The following WDR41 variants were observed in gnomAD, a reference collection of about 807,000 sequenced individuals.
WDR41 encodes the protein WD repeat domain 41, also known as WD repeat-containing protein 41.
WDR41 carries 63 observed loss-of-function variants against 69.3 expected under a neutral mutation model. That is an observed-to-expected ratio of 0.91 (90% CI 0.74 to 1.12). The LOEUF (loss-of-function observed/expected upper bound fraction) is 1.12. Among genes scored for constraint, WDR41 ranks in the 50% most tolerant of loss-of-function variants. WDR41 has a pLI of 0.00. For missense variants in WDR41, 543 were observed against 534.5 expected (o/e 1.02, Z -0.16); for synonymous variants, 185 against 192.1 (o/e 0.96, Z 0.31).
At chr5:77,443,989 T>C (rs1215706407) in intron 8 of WDR41, among the ~76,000 whole-genome samples, 1 of 150,558 alleles carries the variant, frequency 6.6e-6, no homozygotes. Flanking sequence ...TTCAAGCAAT[T>C]CCTGTCTCAG....
At chr5:77,481,810 A>ATT in intron 2 of WDR41, among the ~76,000 whole-genome samples, 1 of 142,292 alleles carries the variant, frequency 7.0e-6, no homozygotes, top group African/African-American at 2.6e-5. Context: ...AAAAAAAAAG[A>ATT]GCCATATCTG....
chr5:77,445,690 T>C (rs773860832), intron 8 of WDR41, among the ~76,000 whole-genome samples: 4 of 152,184 alleles, frequency 2.6e-5, no homozygotes. Context: ...ATTATCTTAA[T>C]AGATGCAGAA....
intron 1 of WDR41, among the ~76,000 whole-genome samples, chr5:77,609,036 G>C (rs559837095): frequency 6.6e-6 from 1 of 152,134 alleles, no homozygotes; most frequent in Non-Finnish European, 1.5e-5. Flanking sequence ...CTATGCCCAC[G>C]GAGTCTCGCT....
chr5:77,595,135 T>C (rs1287063183), intron 1 of WDR41, among the ~76,000 whole-genome samples: 3 of 144,360 alleles, frequency 2.1e-5, no homozygotes, highest in Middle Eastern at 3.4e-3. Flanking sequence ...ACAAAATCGA[T>C]TTGAAATTTA....
chr5:77,567,663 T>TAAA (rs60723638), intron 1 of WDR41, among the ~76,000 whole-genome samples: 8,567 of 106,056 alleles, frequency 0.081, 578 homozygotes, highest in East Asian at 0.24. Flanking sequence ...AACCAAATAG[T>TAAA]AAAAAAAAAA....
At chr5:77,492,130 C>T in intron 1 of WDR41, 40 bp downstream of exon 1, 2 of 1,601,024 alleles carry the variant, frequency 1.2e-6, no homozygotes, top group Non-Finnish European at 1.7e-6. Context: ...GCCCCTCCAG[C>T]AAGCTCGACG....
chr5:77,555,778 T>C (rs1743378758), intron 1 of WDR41, among the ~76,000 whole-genome samples: 1 of 152,192 alleles, frequency 6.6e-6, no homozygotes, highest in Admixed American at 6.5e-5. Flanking sequence ...TCCTCATGGA[T>C]TGGAAGACAA....
intron 1 of WDR41, among the ~76,000 whole-genome samples, chr5:77,566,398 T>C (rs1023309669): frequency 6.6e-6 from 1 of 152,146 alleles, no homozygotes; most frequent in Admixed American, 6.6e-5. Flanking sequence ...CATAACCTTT[T>C]AGATAACTCT....
intron 1 of WDR41, among the ~76,000 whole-genome samples, chr5:77,565,359 C>T (rs1450096267): frequency 6.6e-6 from 1 of 152,114 alleles, no homozygotes; most frequent in Non-Finnish European, 1.5e-5. Flanking sequence ...TCCTAAAAGT[C>T]TCCATAACCT....
chr5:77,441,081 C>T (rs759042598), intron 8 of WDR41, 84 bp from the exon 9 acceptor site: 127 of 1,422,684 alleles, frequency 8.9e-5, no homozygotes, highest in Non-Finnish European at 1.2e-4. Flanking sequence ...GTAGTAATGC[C>T]GTATAAAACC....
At position 77,543,071 on chromosome 5, in the gene WDR41, G is replaced by A. The variant is rs185586985; in HGVS notation, c.43-53499C>T. ...AGAGAGATAACAATCACTACATCTC[G>A]GCTCTCAAGAAGCCACATCCTTAGG... is the stretch of plus-strand genomic sequence containing the variant. On this transcript the variant is annotated intron_variant, in intron 1 of 5. Coordinates refer to the WDR41 transcript ENST00000509971. Among the ~76,000 whole-genome samples the A allele has an allele frequency of 2.4e-4, 37 of 152,184 alleles. No homozygotes were observed. In the East Asian group the frequency reaches 4.5e-3, roughly 18 times the overall value.
At chr5:77,594,182 G>A (rs1431138207) in intron 1 of WDR41, among the ~76,000 whole-genome samples, 5 of 146,178 alleles carry the variant, frequency 3.4e-5, no homozygotes, top group South Asian at 2.2e-4. Flanking sequence ...ACCAAACACC[G>A]CATGTTCTCA....
intron 8 of WDR41, among the ~76,000 whole-genome samples, chr5:77,444,251 T>C (rs771919748): frequency 5.1e-4 from 77 of 152,196 alleles, no homozygotes; most frequent in Non-Finnish European, 1.0e-3. Context: ...AAATGTTTCA[T>C]GACAAACAAC....
intron 1 of WDR41, among the ~76,000 whole-genome samples, chr5:77,607,865 T>C (rs545219955): frequency 6.6e-6 from 1 of 152,382 alleles, no homozygotes; most frequent in South Asian, 2.1e-4. Context: ...ATTTATATTC[T>C]CTAATTCTAC....
At position 77,578,938 on chromosome 5, in the gene WDR41, A is replaced by C; in HGVS notation, c.42+41541T>G. Among the ~76,000 whole-genome samples the C allele has an allele frequency of 2.6e-5, 4 of 151,944 alleles. No homozygotes were observed. The Middle Eastern group carries it at 0.014, about 517-fold the overall frequency. ...TCTCCTCAAATAGATAATATCAATA[A>C]AGAGATAGAAACTATAAAAAAGAGT... On this transcript the variant is annotated intron_variant, in intron 1 of 5. Transcript: ENST00000509971.
intron 2 of WDR41, among the ~76,000 whole-genome samples, chr5:77,479,125 G>A (rs1393851666): frequency 1.3e-5 from 2 of 152,010 alleles, no homozygotes; most frequent in Non-Finnish European, 2.9e-5. Flanking sequence ...GGGATGGGAA[G>A]GACCTCTTCA....
In WDR41 at chr5:77,462,039, C is replaced by T. The variant is rs1006156799; in HGVS notation, c.348+1056G>A. On this transcript the variant is annotated intron_variant, in intron 4 of 12. Coordinates refer to ENST00000296679, the MANE Select transcript of WDR41 (RefSeq NM_018268.4). ...TCTGCAGTCAGACTTGCCAGTTCTG[C>T]CCTACACTGGCTGTGTGCCTTGGGA... Among the ~76,000 whole-genome samples, 7 of 152,110 alleles carry T rather than the reference C, an allele frequency of 4.6e-5. No homozygotes were observed. The South Asian group carries it at 1.4e-3, about 31-fold the overall frequency.
chr5:77,523,765 A>G (rs1802407620), intron 1 of WDR41, among the ~76,000 whole-genome samples: 1 of 152,226 alleles, frequency 6.6e-6, no homozygotes, highest in South Asian at 2.1e-4. Flanking sequence ...TAAAGAATAA[A>G]TATCAAATTG....
chr5:77,471,542 A>G (rs981315272), intron 2 of WDR41, among the ~76,000 whole-genome samples: 2 of 152,186 alleles, frequency 1.3e-5, no homozygotes, highest in Non-Finnish European at 2.9e-5. Flanking sequence ...AGACTAATAA[A>G]GAAGAAAAGA....
Sources: allele counts gnomAD v4.1 joint callset (sites outside exome capture counted in the v4.1 genomes callset), GRCh38; gene constraint gnomAD v4.1.1; transcripts MANE v1.5; gene names NCBI Gene and HGNC (gene_info 2026-07-23, HGNC 2026-07-21).